NCKAP5: variants seen among roughly 807,000 people sequenced by gnomAD.
NCKAP5 encodes NCK associated protein 5, also known as nck-associated protein 5.
A neutral mutation model predicts 167.0 loss-of-function variants in NCKAP5; 92 were observed. The ratio of observed to expected loss-of-function variants is 0.55; its 90% CI spans 0.47 to 0.66. The LOEUF is 0.66. Among genes scored for constraint, NCKAP5 ranks in the 30% least tolerant of loss-of-function variants. The probability of loss-of-function intolerance (pLI) is 0.00; values close to 1 mark genes in which losing one functional copy is unlikely to be tolerated. For missense variants in NCKAP5, 2,378 were observed against 2,315.0 expected (o/e 1.03, Z -0.56); for synonymous variants, 891 against 877.4 (o/e 1.02, Z -0.27).
chr2:132,690,930 T>A (rs1034210171), intron 19 of NCKAP5, among the ~76,000 whole-genome samples: 13 of 152,168 alleles, frequency 8.5e-5, no homozygotes, highest in African/African-American at 2.9e-4. Context: ...GACTCTAATG[T>A]CACTCTGCCA....
intron 7 of NCKAP5, among the ~76,000 whole-genome samples, chr2:132,984,404 A>G (rs2077227708): frequency 6.6e-6 from 1 of 152,100 alleles, no homozygotes; most frequent in Non-Finnish European, 1.5e-5. Context: ...AGGGCCCAGG[A>G]ACAAGCTTCT....
intron 8 of NCKAP5, among the ~76,000 whole-genome samples, chr2:132,950,218 C>T (rs148328816): frequency 6.6e-5 from 10 of 152,240 alleles, no homozygotes; most frequent in African/African-American, 2.4e-4. Flanking sequence ...GTGAACTGAA[C>T]TAGTTCAAGA....
chr2:133,312,238 A>T (rs1681289143), intron 3 of NCKAP5, among the ~76,000 whole-genome samples: 1 of 152,220 alleles, frequency 6.6e-6, no homozygotes, highest in Non-Finnish European at 1.5e-5. Context: ...ACCATTGAAA[A>T]GCCTCGTGAC....
intron 7 of NCKAP5, among the ~76,000 whole-genome samples, chr2:132,988,247 G>A (rs1192970569): frequency 1.3e-5 from 2 of 151,970 alleles, no homozygotes; most frequent in Non-Finnish European, 2.9e-5. Context: ...GGCAGATCAC[G>A]AGGTCAGGAG....
chr2:133,521,563 T>C (rs1210704896), intron 2 of NCKAP5, among the ~76,000 whole-genome samples: 11 of 152,260 alleles, frequency 7.2e-5, no homozygotes, highest in Admixed American at 7.2e-4. Flanking sequence ...GATCAAGTGC[T>C]AGCAGAGTTA....
At position 133,493,406 on chromosome 2, in the gene NCKAP5, G is replaced by A. The variant is rs974246196; in HGVS notation, c.69+24052C>T. Among the ~76,000 whole-genome samples the A allele has an allele frequency of 4.6e-5, 7 of 152,214 alleles. 1 individual carries two copies. Among genetic ancestry groups the A allele is most frequent in the African/African-American group, 1.2e-4 (5 of 41,532 alleles). On this transcript the variant is annotated intron_variant, in intron 3 of 19. Transcript: ENST00000409261. ...TACTATTCTTTTTCAAGACTATCACGTAACCCTCACCATGACTTTGGCAAG... is the reference window on the plus strand; with the variant it reads ...TACTATTCTTTTTCAAGACTATCACATAACCCTCACCATGACTTTGGCAAG...
chr2:133,532,311 T>C (rs1685433597), intron 2 of NCKAP5, among the ~76,000 whole-genome samples: 1 of 152,234 alleles, frequency 6.6e-6, no homozygotes, highest in Admixed American at 6.5e-5. Flanking sequence ...TGAACATTCT[T>C]GTTCTGGCAT....
chr2:133,405,049 A>G (rs1239991784), intron 3 of NCKAP5, among the ~76,000 whole-genome samples: 1 of 152,146 alleles, frequency 6.6e-6, no homozygotes, highest in Non-Finnish European at 1.5e-5. Flanking sequence ...GGCCCCTCCT[A>G]TAGGGTTACA....
chr2:133,271,582 G>A (rs952214513), intron 4 of NCKAP5, among the ~76,000 whole-genome samples: 2 of 152,080 alleles, frequency 1.3e-5, no homozygotes, highest in African/African-American at 2.4e-5. Context: ...TAGGCATAGC[G>A]GAATATGGAA....
At chr2:133,105,973 C>G (rs2081672689) in intron 6 of NCKAP5, among the ~76,000 whole-genome samples, 1 of 152,032 alleles carries the variant, frequency 6.6e-6, no homozygotes, top group African/African-American at 2.4e-5. Context: ...GCTCTTCTCA[C>G]CGACCCATCC....
intron 6 of NCKAP5, among the ~76,000 whole-genome samples, chr2:133,115,793 A>AG (rs1559154018): frequency 1.9e-5 from 2 of 105,142 alleles, no homozygotes; most frequent in African/African-American, 9.0e-5. Flanking sequence ...ATATATATAT[A>AG]TATATATATA....
intron 5 of NCKAP5, among the ~76,000 whole-genome samples, chr2:133,173,764 A>G (rs2084342353): frequency 6.6e-6 from 1 of 152,198 alleles, no homozygotes; most frequent in Non-Finnish European, 1.5e-5. Context: ...CTTTTCTTTG[A>G]CAATATCCAC....
At chr2:133,391,987 C>T (rs937276459) in intron 3 of NCKAP5, among the ~76,000 whole-genome samples, 2 of 152,136 alleles carry the variant, frequency 1.3e-5, no homozygotes, top group Non-Finnish European at 2.9e-5. Flanking sequence ...CTTTCTTATG[C>T]CCACCCCCAT....
At chr2:133,292,179 G>A (rs971906414) in intron 4 of NCKAP5, among the ~76,000 whole-genome samples, 2 of 151,802 alleles carry the variant, frequency 1.3e-5, no homozygotes, top group Non-Finnish European at 2.9e-5. Context: ...ATATCCTAAC[G>A]GTACCTTTTT....
chr2:133,118,695 A>G (rs1010349703), intron 6 of NCKAP5: 4 of 152,174 alleles, frequency 2.6e-5, no homozygotes, highest in African/African-American at 9.7e-5. Flanking sequence ...CATCAGGGAG[A>G]TGGTGAATTT....
At chr2:133,392,739 T>C (rs1314815923) in intron 3 of NCKAP5, among the ~76,000 whole-genome samples, 1 of 152,178 alleles carries the variant, frequency 6.6e-6, no homozygotes, top group Non-Finnish European at 1.5e-5. Flanking sequence ...AAGTCCATAG[T>C]TTCCTTTTCC....
chr2:132,683,915 C>T (rs1368070037), intron 19 of NCKAP5, among the ~76,000 whole-genome samples: 1 of 152,102 alleles, frequency 6.6e-6, no homozygotes, highest in Non-Finnish European at 1.5e-5. Flanking sequence ...ATGTATCAAA[C>T]CAAGAAATTA....
chr2:133,426,470 C>T (rs1689813162), intron 3 of NCKAP5, among the ~76,000 whole-genome samples: 2 of 148,698 alleles, frequency 1.3e-5, no homozygotes, highest in South Asian at 2.1e-4. Flanking sequence ...CATAGAGGGG[C>T]TATTTCCAAA....
At chr2:133,186,933 T>G (rs2084971316) in intron 5 of NCKAP5, among the ~76,000 whole-genome samples, 1 of 151,670 alleles carries the variant, frequency 6.6e-6, no homozygotes, top group South Asian at 2.1e-4. Context: ...TTTTTACAAT[T>G]TTTTTTGCAT....
Sources: gnomAD v4.1 joint callset for allele counts (sites outside exome capture counted in the v4.1 genomes callset) on GRCh38, gnomAD v4.1.1 for gene constraint, MANE v1.5 for transcripts, NCBI Gene and HGNC (gene_info 2026-07-23, HGNC 2026-07-21) for gene names.